SIPA1L2: variants seen among roughly 807,000 people sequenced by gnomAD.
SIPA1L2 encodes signal induced proliferation associated 1 like 2.
SIPA1L2 carries 56 observed loss-of-function variants against 163.9 expected under a neutral mutation model. That is an observed-to-expected ratio of 0.34 (90% CI 0.28 to 0.43). SIPA1L2 has a LOEUF of 0.43. SIPA1L2 is among the 20% of genes least tolerant of loss of function. SIPA1L2 has a pLI of 1.00. For missense variants in SIPA1L2, 1,974 were observed against 2,193.5 expected (o/e 0.90, Z 2.00); for synonymous variants, 877 against 865.7 (o/e 1.01, Z -0.23).
intron 2 of SIPA1L2, among the ~76,000 whole-genome samples, chr1:232,543,056 T>C (rs1047246015): frequency 3.3e-5 from 5 of 152,224 alleles, no homozygotes; most frequent in Non-Finnish European, 7.3e-5. Flanking sequence ...TTCATGAGGC[T>C]TAATCTGTAC....
chr1:232,446,640 T>C (rs1254168693), intron 10 of SIPA1L2, among the ~76,000 whole-genome samples: 2 of 152,244 alleles, frequency 1.3e-5, no homozygotes, highest in African/African-American at 2.4e-5. Flanking sequence ...AACTAGGCCA[T>C]GTCTGTGTTC....
intron 1 of SIPA1L2, among the ~76,000 whole-genome samples, chr1:232,575,348 T>A (rs1660022741): frequency 6.6e-6 from 1 of 152,182 alleles, no homozygotes; most frequent in African/African-American, 2.4e-5. Flanking sequence ...CCTTTCACTT[T>A]GAGAGGCGAT....
Position 232,439,436 on chromosome 1 carries a change from T to C in SIPA1L2, c.3703A>G (p.Ser1235Gly). ...CCAAAGTGCTTGTCGTCACTGTTGCTGGAGGTGTTGCTGGAGAGCGTGTTG... is the reference window on the plus strand; with the variant it reads ...CCAAAGTGCTTGTCGTCACTGTTGCCGGAGGTGTTGCTGGAGAGCGTGTTG... ...SSNTLSSNTS[S>G]NSDDKHFGSG... The change falls in exon 15 of 23, where the codon AGC becomes GGC. Residue 1235 changes from serine (S) to glycine (G), a missense_variant. By Grantham distance (56) the Ser-to-Gly change is moderately conservative. Coordinates refer to ENST00000674635, the MANE Select transcript of SIPA1L2 (RefSeq NM_020808.5). 4.3e-6 allele frequency: 7 copies of C among 1,614,110 alleles called. 1 individual carries two copies. Among genetic ancestry groups the C allele is most frequent in the Middle Eastern group, 3.3e-4 (2 of 6,058 alleles).
intron 8 of SIPA1L2, among the ~76,000 whole-genome samples, chr1:232,468,151 T>A (rs1014720949): frequency 6.6e-6 from 1 of 151,920 alleles, no homozygotes; most frequent in Admixed American, 6.6e-5. Context: ...TCAAGTAGAG[T>A]CAAGTTCAGA....
rs1201870220 is a variant in SIPA1L2 at position 232,432,443 on chromosome 1, C to G, written c.4060G>C (p.Ala1354Pro). 4 of 1,614,246 alleles carry G rather than the reference C, an allele frequency of 2.5e-6. No individual in the cohort carries two copies. The highest frequency in any genetic ancestry group is 3.4e-6 in the Non-Finnish European group (4 of 1,180,046). Residue 1354 changes from alanine (A) to proline (P), a missense_variant, in exon 16 of 23, where the codon GCT becomes CCT. Physicochemically the swap from Ala to Pro is conservative, Grantham distance 27 (BLOSUM62 -1). Coordinates refer to ENST00000674635, the MANE Select transcript of SIPA1L2 (RefSeq NM_020808.5). ...GACCCACTACTTTTTGAACAGTGAG[C>G]TGAAGGGCTTCCTGAATGGTGAGAA... ...SGSHHSGSPS[A>P]HCSKSSGSLD...
chr1:232,506,247 T>A (rs116742108), intron 3 of SIPA1L2, among the ~76,000 whole-genome samples: 211 of 152,296 alleles, frequency 1.4e-3, no homozygotes, highest in African/African-American at 4.9e-3. Context: ...GTCTTACACA[T>A]TTATTTAAGT....
chr1:232,437,817 C>G (rs560993779), intron 15 of SIPA1L2, among the ~76,000 whole-genome samples: 1 of 152,180 alleles, frequency 6.6e-6, no homozygotes, highest in East Asian at 1.9e-4. Flanking sequence ...AAACCACTTT[C>G]TACCCGGGGA....
In SIPA1L2 at chr1:232,432,424, C is replaced by T. The variant is rs749378406; in HGVS notation, c.4079G>A (p.Ser1360Asn). The change falls in exon 16 of 23, where the codon AGT becomes AAT. Residue 1360 changes from serine to asparagine, a missense_variant. By Grantham distance (46) the Ser-to-Asn change is conservative. Transcript: ENST00000674635. ...GSPSAHCSKSSGSLDSSKVYI... is the reference protein window; with the variant it reads ...GSPSAHCSKSNGSLDSSKVYI... Reference sequence around the variant, plus strand: ...GACTTTGGATGAATCCAGAGACCCACTACTTTTTGAACAGTGAGCTGAAGG... The same window carrying T: ...GACTTTGGATGAATCCAGAGACCCATTACTTTTTGAACAGTGAGCTGAAGG... The T allele has an allele frequency of 6.2e-7, 1 of 1,614,250 alleles. No individual in the cohort carries two copies. Among genetic ancestry groups the T allele is most frequent in the Non-Finnish European group, 8.5e-7 (1 of 1,180,050 alleles).
intron 2 of SIPA1L2, among the ~76,000 whole-genome samples, chr1:232,558,951 T>C (rs1176944251): frequency 2.0e-5 from 3 of 152,200 alleles, no homozygotes; most frequent in Non-Finnish European, 4.4e-5. Flanking sequence ...AATACTGCTT[T>C]TGCAGGGCTG....
chr1:232,425,788 C>G lies in SIPA1L2; in HGVS notation c.4431G>C (p.Leu1477=), dbSNP rs760200261. Residue 1477 remains leucine (L), a synonymous_variant, in exon 18 of 23, where the codon CTG becomes CTC. Transcript: ENST00000674635. ...GRRKFSFYGN[L]SPRRSLYRTL... The stretch of plus-strand genomic sequence containing the variant: ...TGCGGTAAAGCGACCTCCTTGGAGA[C>G]AGGTTCCCATAGAACGAAAACTAGG... 12 of 1,613,738 alleles carry G rather than the reference C, an allele frequency of 7.4e-6. No individual in the cohort carries two copies. Among genetic ancestry groups the G allele is most frequent in the African/African-American group, 1.3e-5 (1 of 74,910 alleles).
chr1:232,572,734 C>CATAT (rs1165351923), intron 2 of SIPA1L2, among the ~76,000 whole-genome samples: 1 of 67,318 alleles, frequency 1.5e-5, no homozygotes, highest in African/African-American at 4.7e-5. Flanking sequence ...TATATACATA[C>CATAT]ATACATATAT....
At chr1:232,581,187 CATCCCTGCCCT>C (rs1660351972) in intron 1 of SIPA1L2, among the ~76,000 whole-genome samples, 6 of 152,294 alleles carry the variant, frequency 3.9e-5, no homozygotes, top group East Asian at 3.9e-4. Context: ...TGTAAGGAAC[CATCCCTGCCCT>C]TGATGTCATG....
chr1:232,481,512 T>G (rs547019139), intron 6 of SIPA1L2, among the ~76,000 whole-genome samples: 1 of 152,302 alleles, frequency 6.6e-6, no homozygotes, highest in South Asian at 2.1e-4. Flanking sequence ...AATATGTCTT[T>G]CTCAAGCCAT....
chr1:232,473,403 C>T (rs968919271), intron 7 of SIPA1L2, among the ~76,000 whole-genome samples: 4 of 152,218 alleles, frequency 2.6e-5, no homozygotes, highest in African/African-American at 9.6e-5. Flanking sequence ...GAGTTCAGCG[C>T]CTCCTACTTC....
chr1:232,465,518 AC>A lies in SIPA1L2; in HGVS notation c.2244-103del. ...TATACACACACACACACATATACAT[AC>A]ACACACACACACACATATACATACA... is the stretch of plus-strand genomic sequence containing the variant. On this transcript the variant is annotated intron_variant, in intron 8 of 22. Coordinates refer to ENST00000674635, the MANE Select transcript of SIPA1L2 (RefSeq NM_020808.5). This position sits in a 1 kb window ranked among gnomAD's most constrained non-coding sequence, Gnocchi z 4.1. 3 of 603,956 alleles carry A rather than the reference AC, an allele frequency of 5.0e-6. No homozygotes were observed. The highest frequency in any genetic ancestry group is 2.5e-5 in the South Asian group (1 of 40,048). 37.4% of individuals were successfully genotyped at this position (603,956 alleles called of 1,614,324 possible).
At chr1:232,505,018 T>G (rs1490278570) in intron 3 of SIPA1L2, among the ~76,000 whole-genome samples, 1 of 152,138 alleles carries the variant, frequency 6.6e-6, no homozygotes, top group Non-Finnish European at 1.5e-5. Flanking sequence ...AGACAACAAA[T>G]GTATCCTTGA....
chr1:232,543,181 C>G (rs1345666270), intron 2 of SIPA1L2, among the ~76,000 whole-genome samples: 1 of 152,212 alleles, frequency 6.6e-6, no homozygotes, highest in East Asian at 1.9e-4. Flanking sequence ...AGAGCAAAGC[C>G]TTGCTACTAT....
intron 1 of SIPA1L2, among the ~76,000 whole-genome samples, chr1:232,605,841 A>G (rs943314653): frequency 2.3e-4 from 35 of 152,360 alleles, no homozygotes; most frequent in African/African-American, 8.4e-4. Flanking sequence ...TGATTCTCCA[A>G]CAATATGATA....
At chr1:232,599,704 C>T (rs541269747) in intron 1 of SIPA1L2, among the ~76,000 whole-genome samples, 62 of 152,208 alleles carry the variant, frequency 4.1e-4, no homozygotes, top group African/African-American at 1.4e-3. Flanking sequence ...GCTGTAGCCC[C>T]GGGCAAAGCT....
Sources: allele counts gnomAD v4.1 joint callset (sites outside exome capture counted in the v4.1 genomes callset), GRCh38; gene constraint gnomAD v4.1.1; non-coding constraint Gnocchi (gnomAD v3.1); transcripts MANE v1.5; gene names NCBI Gene and HGNC (gene_info 2026-07-23, HGNC 2026-07-21).